Variants in PLEKHH2 observed in about 807,000 individuals in gnomAD.
The protein encoded by PLEKHH2 is pleckstrin homology domain-containing family H member 2.
In PLEKHH2, 129 loss-of-function variants were observed where a neutral mutation model predicts 187.9. The ratio of observed to expected loss-of-function variants is 0.69; its 90% CI spans 0.59 to 0.79. The LOEUF (loss-of-function observed/expected upper bound fraction) is 0.79. PLEKHH2 is among the 30% of genes least tolerant of loss of function. The pLI, the probability that PLEKHH2 is intolerant of heterozygous loss-of-function variation, is 0.00. For missense variants in PLEKHH2, 2,076 were observed against 1,751.2 expected (o/e 1.19, Z -3.31); for synonymous variants, 686 against 605.6 (o/e 1.13, Z -1.95).
At chr2:43,745,992 G>C (rs1196070894) in intron 24 of PLEKHH2, 29 bp downstream of exon 24, 1 of 1,446,476 alleles carries the variant, frequency 6.9e-7, no homozygotes, top group Admixed American at 1.8e-5. Context: ...AGATGCCAAA[G>C]TATGAGTATA....
chr2:43,673,579 A>G (rs1463829317), intron 2 of PLEKHH2, among the ~76,000 whole-genome samples: 3 of 152,238 alleles, frequency 2.0e-5, no homozygotes, highest in African/African-American at 7.2e-5. Context: ...ACTTAAAATT[A>G]TTCATAAAAA....
intron 9 of PLEKHH2, among the ~76,000 whole-genome samples, chr2:43,704,360 A>G (rs570548802): frequency 3.9e-5 from 6 of 152,254 alleles, no homozygotes; most frequent in African/African-American, 1.2e-4. Flanking sequence ...TGAACTGTAC[A>G]ATTAAAAATG....
intron 26 of PLEKHH2, among the ~76,000 whole-genome samples, chr2:43,757,519 A>G (rs1394844734): frequency 6.6e-6 from 1 of 151,036 alleles, no homozygotes; most frequent in Non-Finnish European, 1.5e-5. Flanking sequence ...TCCCGGGTAC[A>G]GCCATTCTCA....
chr2:43,680,629 A>G (rs1668123457), intron 3 of PLEKHH2: 1 of 282,694 alleles, frequency 3.5e-6, no homozygotes, highest in African/African-American at 2.3e-5. Flanking sequence ...CTTTCCACTA[A>G]TTTTGGAAGT....
In PLEKHH2 at chr2:43,688,352, A is replaced by G. The variant is rs186084605; in HGVS notation, c.187-4162A>G. ...ACTGGAAAGTAGTCTGGGATTTAAA[A>G]TACTCTAAACAATTTCTTTTGTCAT... is the stretch of plus-strand genomic sequence containing the variant. On this transcript the variant is annotated intron_variant, in intron 3 of 29. Coordinates refer to ENST00000282406, the MANE Select transcript of PLEKHH2 (RefSeq NM_172069.4). 5.9e-5 allele frequency among the ~76,000 whole-genome samples: 9 copies of G among 152,354 alleles called. No homozygotes were observed. In the East Asian group the frequency reaches 1.7e-3, roughly 29 times the overall value.
chr2:43,670,224 T>C (rs1667429846), intron 2 of PLEKHH2, among the ~76,000 whole-genome samples: 1 of 152,232 alleles, frequency 6.6e-6, no homozygotes, highest in African/African-American at 2.4e-5. Context: ...CAGGAGAACA[T>C]GGACTACCAT....
chr2:43,697,287 G>C lies in PLEKHH2; in HGVS notation c.619G>C (p.Val207Leu). The stretch of plus-strand genomic sequence containing the variant: ...TCGAGCAAGGAGTCCTCCTCAAGTA[G>C]TAAAATCTGAGGAAATGAGCAAGAT... ...LSRARSPPQV[V>L]KSEEMSKISS... Residue 207 changes from valine (V) to leucine (L), a missense_variant, in exon 7 of 30, where the codon GTA (valine) becomes CTA (leucine). Transcript: ENST00000282406. 1 of 1,613,734 alleles carries C rather than the reference G, an allele frequency of 6.2e-7. No homozygotes were observed.
At chr2:43,715,911 G>C (rs879235316) in intron 15 of PLEKHH2, among the ~76,000 whole-genome samples, 2 of 152,130 alleles carry the variant, frequency 1.3e-5, no homozygotes, top group Non-Finnish European at 2.9e-5. Flanking sequence ...AATTATGTAG[G>C]GCAGGGGAGA....
chr2:43,701,507 A>C (rs1255395565), intron 8 of PLEKHH2, among the ~76,000 whole-genome samples: 1 of 152,218 alleles, frequency 6.6e-6, no homozygotes, highest in African/African-American at 2.4e-5. Context: ...TTTTGGGTGA[A>C]TTCTGAACCG....
chr2:43,716,363 T>C (rs1489793358), intron 15 of PLEKHH2, among the ~76,000 whole-genome samples: 2 of 152,168 alleles, frequency 1.3e-5, no homozygotes, highest in Non-Finnish European at 2.9e-5. Flanking sequence ...AGTGATATCA[T>C]GTCTAATATC....
rs778449414 is a variant in PLEKHH2, at chr2:43,697,243, CCTTTGGGTG to C, written c.580_588del (p.Gly194_Phe196del). On this transcript the variant is annotated inframe_deletion, in exon 7 of 30. Coordinates refer to ENST00000282406, the MANE Select transcript of PLEKHH2 (RefSeq NM_172069.4). ...GAAGGCCAGCGCCTGAGCAGTTTGA[CCTTTGGGTG>C]CTTTTTATCTCGAGCAAGGAGTCCT... 11 of 1,613,902 alleles carry C rather than the reference CCTTTGGGTG, an allele frequency of 6.8e-6. No individual in the cohort carries two copies. The highest frequency in any genetic ancestry group is 1.6e-4 in the Middle Eastern group (1 of 6,062).
intron 4 of PLEKHH2, among the ~76,000 whole-genome samples, chr2:43,693,101 TA>T (rs954856042): frequency 2.1e-5 from 2 of 94,400 alleles, no homozygotes; most frequent in Admixed American, 8.9e-5. Flanking sequence ...CTAATTTTTG[TA>T]TTTTTTTTTT....
chr2:43,731,385 T>A (rs1671028748), intron 18 of PLEKHH2, 105 bp from the exon 19 acceptor site: 7 of 747,968 alleles, frequency 9.4e-6, no homozygotes, highest in Non-Finnish European at 1.5e-5. Context: ...TGACTTAAAG[T>A]TGTGAGCCAA....
intron 15 of PLEKHH2, among the ~76,000 whole-genome samples, chr2:43,713,099 A>AACACACACACAC (rs10524364): frequency 0.016 from 2,359 of 150,758 alleles, 25 homozygotes; most frequent in Admixed American, 0.029. Context: ...ATATCAAATC[A>AACACACACACAC]ACACACACAC....
At chr2:43,700,904 C>A (rs1330918449) in intron 8 of PLEKHH2, among the ~76,000 whole-genome samples, 1 of 152,154 alleles carries the variant, frequency 6.6e-6, no homozygotes, top group Admixed American at 6.5e-5. Flanking sequence ...CCTGCCTTTG[C>A]CTCCCAAAGT....
At position 43,706,364 on chromosome 2, in the gene PLEKHH2, C is replaced by T. The variant is rs1669656751; in HGVS notation, c.1769C>T (p.Thr590Ile). 6.2e-7 allele frequency: 1 copy of T among 1,609,858 alleles called. No individual in the cohort carries two copies. The highest frequency in any genetic ancestry group is 2.2e-5 in the East Asian group (1 of 44,820). The change falls in exon 10 of 30, where the codon ACA becomes ATA. Residue 590 changes from threonine to isoleucine, a missense_variant. Thr to Ile is a moderately conservative substitution (Grantham distance 89, BLOSUM62 -1). Transcript: ENST00000282406. ...TCCTATACTACATCAGGACTTTATA[C>T]ATCTCTGATATACAAGAACATGACC... ...TLSYTTSGLY[T>I]SLIYKNMTTP... is the part of the protein sequence containing the mutation.
At chr2:43,744,812 G>A (rs968470045) in intron 23 of PLEKHH2, among the ~76,000 whole-genome samples, 9 of 147,550 alleles carry the variant, frequency 6.1e-5, no homozygotes, top group Admixed American at 3.4e-4. Context: ...AGGCTGCAGT[G>A]AGCCGTGATC....
At chr2:43,681,134 G>T in intron 3 of PLEKHH2, 1 of 817,484 alleles carries the variant, frequency 1.2e-6, no homozygotes. Flanking sequence ...AAGTCAAGGA[G>T]CCTCCTGCAA....
At chr2:43,668,505 TG>T (rs1667333424) in intron 2 of PLEKHH2, among the ~76,000 whole-genome samples, 1 of 152,248 alleles carries the variant, frequency 6.6e-6, no homozygotes, top group South Asian at 2.1e-4. Context: ...GATGATTTAC[TG>T]ATCAGTTCCC....
Sources: allele counts gnomAD v4.1 joint callset (sites outside exome capture counted in the v4.1 genomes callset), GRCh38; gene constraint gnomAD v4.1.1; transcripts MANE v1.5; gene names NCBI Gene and HGNC (gene_info 2026-07-23, HGNC 2026-07-21).